The following LRRC1 variants were observed in gnomAD, a reference collection of about 807,000 sequenced individuals.
LRRC1 encodes the protein leucine rich repeat containing 1, also known as leucine-rich repeat-containing protein 1.
LRRC1 carries 28 observed loss-of-function variants against 69.9 expected under a neutral mutation model. The observed-to-expected ratio is 0.40, with a 90% CI of 0.30 to 0.55. The LOEUF (loss-of-function observed/expected upper bound fraction) is 0.55. Among genes scored for constraint, LRRC1 ranks in the 20% least tolerant of loss-of-function variants. LRRC1 has a pLI of 0.47. For synonymous variants in LRRC1, 236 were observed against 240.2 expected (o/e 0.98, Z 0.16); for missense variants, 498 against 609.0 (o/e 0.82, Z 1.92).
intron 1 of LRRC1, among the ~76,000 whole-genome samples, chr6:53,832,983 G>C (rs1765472809): frequency 6.6e-6 from 1 of 151,928 alleles, no homozygotes; most frequent in African/African-American, 2.4e-5. Flanking sequence ...CCATATAATA[G>C]TTCATTGTAT....
At chr6:53,818,726 G>A (rs1233675011) in intron 1 of LRRC1, among the ~76,000 whole-genome samples, 1 of 152,196 alleles carries the variant, frequency 6.6e-6, no homozygotes, top group Non-Finnish European at 1.5e-5. Flanking sequence ...TCTAAAAAAT[G>A]TGTCCTTGAA....
intron 11 of LRRC1, among the ~76,000 whole-genome samples, chr6:53,914,763 T>C (rs1768514953): frequency 6.6e-6 from 1 of 152,208 alleles, no homozygotes; most frequent in African/African-American, 2.4e-5. Context: ...TCTTCATCAC[T>C]CAAGCTTTAT....
intron 2 of LRRC1, among the ~76,000 whole-genome samples, chr6:53,851,083 T>G (rs1766113183): frequency 1.3e-5 from 2 of 151,692 alleles, no homozygotes; most frequent in South Asian, 4.2e-4. Flanking sequence ...CACCTGGCAC[T>G]TAATTGAATG....
intron 12 of LRRC1, 70 bp from the exon 13 acceptor site, chr6:53,920,555 C>T (rs886941906): frequency 3.7e-5 from 58 of 1,582,660 alleles, no homozygotes; most frequent in Non-Finnish European, 4.5e-5. Context: ...CCTTGTCAGC[C>T]GCAAAGTTCA....
chr6:53,816,808 G>T (rs1764963627), intron 1 of LRRC1, among the ~76,000 whole-genome samples: 1 of 151,982 alleles, frequency 6.6e-6, no homozygotes, highest in Non-Finnish European at 1.5e-5. Flanking sequence ...GAATACTTTC[G>T]TATATGCCGA....
At chr6:53,895,960 G>A (rs1041348697) in intron 4 of LRRC1, among the ~76,000 whole-genome samples, 8 of 152,168 alleles carry the variant, frequency 5.3e-5, no homozygotes, top group Middle Eastern at 3.2e-3. Context: ...CTTCCTTAGC[G>A]CAGCTGCCAC....
At chr6:53,854,997 A>G (rs1360566065) in intron 2 of LRRC1, among the ~76,000 whole-genome samples, 1 of 128,854 alleles carries the variant, frequency 7.8e-6, no homozygotes, top group Non-Finnish European at 1.7e-5. Flanking sequence ...AATCGACAAG[A>G]CAGGGGGATT....
intron 1 of LRRC1, among the ~76,000 whole-genome samples, chr6:53,800,247 CTTTTTTTTTTT>C (rs55960000): frequency 4.5e-5 from 4 of 89,554 alleles, no homozygotes; most frequent in African/African-American, 8.8e-5. Context: ...GTTTCTTTTT[CTTTTTTTTTTT>C]TTTTTTTTTT....
chr6:53,795,418 A>T lies in LRRC1; in HGVS notation c.159+3A>T, dbSNP rs766188639. ...ACCAGCTCCGCGAGCTGCCCGAGGT[A>T]AGGGTCCGGCCTCACCTGAGCGCTC... On this transcript the variant is annotated splice_donor_region_variant and intron_variant, in intron 1 of 13. Coordinates refer to ENST00000370888, the MANE Select transcript of LRRC1 (RefSeq NM_018214.5). 2 of 1,609,660 alleles carry T rather than the reference A, an allele frequency of 1.2e-6. No homozygotes were observed. Among genetic ancestry groups the T allele is most frequent in the South Asian group, 2.2e-5 (2 of 90,714 alleles).
intron 10 of LRRC1, among the ~76,000 whole-genome samples, chr6:53,912,279 G>T (rs886502145): frequency 6.6e-6 from 1 of 152,172 alleles, no homozygotes; most frequent in African/African-American, 2.4e-5. Flanking sequence ...TATGAAATGC[G>T]TGTTATTATA....
chr6:53,803,235 A>C (rs538595209), intron 1 of LRRC1, among the ~76,000 whole-genome samples: 22 of 152,314 alleles, frequency 1.4e-4, no homozygotes, highest in Non-Finnish European at 2.6e-4. Flanking sequence ...TTTCTTTGCG[A>C]TGATGACAGA....
intron 1 of LRRC1, among the ~76,000 whole-genome samples, chr6:53,812,206 G>A (rs1382952479): frequency 6.6e-6 from 1 of 152,202 alleles, no homozygotes; most frequent in Non-Finnish European, 1.5e-5. Flanking sequence ...GATTTAGAGC[G>A]CTCAGCCTAA....
rs114640137 is a variant in LRRC1 at position 53,835,127 on chromosome 6, C to T, written c.160-6983C>T. 7.4e-3 allele frequency among the ~76,000 whole-genome samples: 1,132 copies of T among 152,154 alleles called. 21 individuals are homozygous for T. Among genetic ancestry groups the T allele is most frequent in the African/African-American group, 0.025 (1,054 of 41,498 alleles). On this transcript the variant is annotated intron_variant, in intron 1 of 13. Transcript: ENST00000370888. ...ACATACCATACAATTCACCCAAGTG[C>T]GCAATTCTCTGGTTTTTAATAAAGT...
intron 1 of LRRC1, among the ~76,000 whole-genome samples, chr6:53,836,675 A>G (rs1280832404): frequency 6.6e-6 from 1 of 152,238 alleles, no homozygotes; most frequent in Non-Finnish European, 1.5e-5. Flanking sequence ...ACATATATAG[A>G]AAAGAACTTA....
rs1002327400 is a variant in LRRC1, at chr6:53,896,942, A to C, written c.567+50A>C. On this transcript the variant is annotated intron_variant, in intron 6 of 13. Transcript: ENST00000370888. ...TTTAACTTTGTTTTTAGTTATGATCACACAGTATTTGGGGGAGTTCTATAG... is the reference window on the plus strand; with the variant it reads ...TTTAACTTTGTTTTTAGTTATGATCCCACAGTATTTGGGGGAGTTCTATAG... The C allele has an allele frequency of 2.4e-6, 3 of 1,241,486 alleles. No homozygotes were observed. In the Admixed American group the frequency reaches 5.2e-5, roughly 21 times the overall value. The allele number at this position is 1,241,486 out of a possible 1,614,324, so 76.9% of individuals were successfully genotyped here.
chr6:53,896,710 T>C (rs1767885923), intron 5 of LRRC1, 119 bp from the exon 6 acceptor site: 1 of 973,696 alleles, frequency 1.0e-6, no homozygotes, highest in African/African-American at 1.6e-5. Flanking sequence ...CTGTGCAATA[T>C]TTTCTACCAT....
chr6:53,797,564 C>A (rs1764338797), intron 1 of LRRC1, among the ~76,000 whole-genome samples: 1 of 152,076 alleles, frequency 6.6e-6, no homozygotes, highest in African/African-American at 2.4e-5. Context: ...TCCTTACCTG[C>A]CACACACAAG....
At chr6:53,900,912 G>A (rs1248347585) in intron 8 of LRRC1, among the ~76,000 whole-genome samples, 3 of 152,192 alleles carry the variant, frequency 2.0e-5, no homozygotes, top group African/African-American at 7.2e-5. Flanking sequence ...ATCAAAAGAA[G>A]TTTTTGAAAG....
intron 4 of LRRC1, among the ~76,000 whole-genome samples, chr6:53,888,029 G>A (rs1275010632): frequency 6.6e-6 from 1 of 152,192 alleles, no homozygotes; most frequent in Non-Finnish European, 1.5e-5. Context: ...CCACTGGTAA[G>A]GCCAGGAAGG....
Sources: allele counts gnomAD v4.1 joint callset (sites outside exome capture counted in the v4.1 genomes callset), GRCh38; gene constraint gnomAD v4.1.1; transcripts MANE v1.5; gene names NCBI Gene and HGNC (gene_info 2026-07-23, HGNC 2026-07-21).